Variants in C8orf74 observed in about 807,000 individuals in gnomAD.
C8orf74 encodes the protein chromosome 8 open reading frame 74.
A neutral mutation model predicts 22.2 loss-of-function variants in C8orf74; 29 were observed. The ratio of observed to expected loss-of-function variants is 1.31; its 90% CI spans 0.97 to 1.78. The LOEUF is 1.78. Among genes scored for constraint, C8orf74 ranks in the 40% most tolerant of loss-of-function variants. The probability of loss-of-function intolerance (pLI) is 0.00; values close to 1 mark genes in which losing one functional copy is unlikely to be tolerated. For synonymous variants in C8orf74, 255 were observed against 163.1 expected, an observed-to-expected ratio of 1.56 and a Z score of -4.30; for missense variants, 515 against 369.9, an observed-to-expected ratio of 1.39 and a Z score of -3.22.
chr8:10,689,345 T>C (rs904985545), intron 2 of C8orf74: 7 of 152,234 alleles, frequency 4.6e-5, no homozygotes, highest in Admixed American at 3.9e-4. Flanking sequence ...TCCAGAGAGA[T>C]GTGCTCCTTG....
chr8:10,697,880 G>A lies in C8orf74; in HGVS notation c.523G>A (p.Glu175Lys), dbSNP rs574000884. The change falls in exon 3 of 4, where the codon GAG becomes AAG. Residue 175 changes from glutamate (E) to lysine (K), a missense_variant. By Grantham distance (56) the Glu-to-Lys change is moderately conservative. Transcript: ENST00000304519. ...GCAGGTGGCCACACTGACGGAGGCC[G>A]AGGCACAGAAGCGCGCCGACGTGCT... ...EQQVATLTEA[E>K]AQKRADVLLL... 1.2e-6 allele frequency: 2 copies of A among 1,612,648 alleles called. No homozygotes were observed. The highest frequency in any genetic ancestry group is 4.5e-5 in the East Asian group (2 of 44,862).
intron 2 of C8orf74, among the ~76,000 whole-genome samples, chr8:10,682,489 C>A (rs578016372): frequency 6.6e-6 from 1 of 152,148 alleles, no homozygotes; most frequent in Non-Finnish European, 1.5e-5. Context: ...TGTGGACATC[C>A]GCCTTCTCCC....
At chr8:10,693,602 A>T (rs1308872871) in intron 2 of C8orf74, among the ~76,000 whole-genome samples, 1 of 152,196 alleles carries the variant, frequency 6.6e-6, no homozygotes, top group Non-Finnish European at 1.5e-5. Flanking sequence ...GAGAATACAC[A>T]GGTGGCCATC....
At chr8:10,690,594 T>C (rs1799357375) in intron 2 of C8orf74, among the ~76,000 whole-genome samples, 1 of 152,048 alleles carries the variant, frequency 6.6e-6, no homozygotes, top group Non-Finnish European at 1.5e-5. Flanking sequence ...GGAACCAAAC[T>C]GGTTTATCGG....
chr8:10,673,346 A>T (rs1314978713), intron 1 of C8orf74, among the ~76,000 whole-genome samples: 1 of 151,950 alleles, frequency 6.6e-6, no homozygotes, highest in Non-Finnish European at 1.5e-5. Context: ...GGCCAGCTGA[A>T]CTCTCAAGTA....
intron 2 of C8orf74, among the ~76,000 whole-genome samples, chr8:10,676,622 C>T (rs1354916164): frequency 6.6e-6 from 1 of 152,152 alleles, no homozygotes; most frequent in Non-Finnish European, 1.5e-5. Context: ...GCCTGCGTTC[C>T]CACCCAGTGG....
chr8:10,686,364 T>C (rs1180889686), intron 2 of C8orf74, among the ~76,000 whole-genome samples: 31 of 152,230 alleles, frequency 2.0e-4, no homozygotes, highest in Admixed American at 2.0e-3. Flanking sequence ...CATAGGTTGG[T>C]TGTGATAACC....
chr8:10,681,798 G>T (rs1799156875), intron 2 of C8orf74, among the ~76,000 whole-genome samples: 1 of 152,244 alleles, frequency 6.6e-6, no homozygotes. Context: ...GCAGGAGGCG[G>T]GACTTGTGAC....
Position 10,700,441 on chromosome 8 carries a change from C to T in C8orf74, c.855C>T (p.Ser285=). The T allele has an allele frequency of 2.5e-6, 4 of 1,600,810 alleles. No homozygotes were observed. Among genetic ancestry groups the T allele is most frequent in the Non-Finnish European group, 3.4e-6 (4 of 1,173,226 alleles). Residue 285 remains serine, a synonymous_variant, in exon 4 of 4, where the codon AGC becomes AGT. Coordinates refer to ENST00000304519, the MANE Select transcript of C8orf74 (RefSeq NM_001040032.2). ...AAGCCCTGAAGCCCCAAAGAGCGAGCAAAGGAAAGAAAGCGAAGGCAAGGA... is the reference window on the plus strand; with the variant it reads ...AAGCCCTGAAGCCCCAAAGAGCGAGTAAAGGAAAGAAAGCGAAGGCAAGGA... The part of the protein sequence containing the change: ...QEEALKPQRA[S]KGKKAKARK
intron 2 of C8orf74, among the ~76,000 whole-genome samples, chr8:10,675,997 A>T (rs1484411957): frequency 6.6e-6 from 1 of 151,898 alleles, no homozygotes; most frequent in Non-Finnish European, 1.5e-5. Flanking sequence ...GTTCAGGGTG[A>T]GGGTCTGGAT....
intron 3 of C8orf74, 57 bp downstream of exon 3, chr8:10,698,062 A>G: frequency 7.1e-7 from 1 of 1,418,350 alleles, no homozygotes; most frequent in African/African-American, 1.4e-5. Context: ...GACACCAGCC[A>G]GGGCTGGAGT....
At chr8:10,679,069 G>T (rs1391962065) in intron 2 of C8orf74, among the ~76,000 whole-genome samples, 1 of 152,166 alleles carries the variant, frequency 6.6e-6, no homozygotes, top group Non-Finnish European at 1.5e-5. Context: ...ATGTTTCTGG[G>T]GACCCGGTTT....
chr8:10,694,533 TG>T (rs1234406156), intron 2 of C8orf74, among the ~76,000 whole-genome samples: 1 of 152,166 alleles, frequency 6.6e-6, no homozygotes, highest in Non-Finnish European at 1.5e-5. Context: ...AAGGAGCAGG[TG>T]GGGAATAATC....
chr8:10,687,369 G>T, intron 2 of C8orf74: 1 of 295,202 alleles, frequency 3.4e-6, no homozygotes, highest in Non-Finnish European at 6.7e-6. Flanking sequence ...TTGCATTACG[G>T]CTAGGCGCAA....
intron 2 of C8orf74, chr8:10,689,420 T>C (rs1333815816): frequency 6.6e-6 from 1 of 152,244 alleles, no homozygotes; most frequent in African/African-American, 2.4e-5. Flanking sequence ...TGCCTTTTGG[T>C]GATCTGCTAA....
chr8:10,682,819 G>C lies in C8orf74; in HGVS notation c.241+7981G>C, dbSNP rs34837434. The stretch of plus-strand genomic sequence containing the variant: ...CCATAGAAACCTTCCCCTGCCTTCC[G>C]CAAGAGACTATCCGTCCCACAGAGG... On this transcript the variant is annotated intron_variant, in intron 2 of 3. Transcript: ENST00000304519. Among the ~76,000 whole-genome samples, 676 of 152,294 alleles carry C rather than the reference G, an allele frequency of 4.4e-3. 2 individuals carry two copies. Among genetic ancestry groups the C allele is most frequent in the African/African-American group, 0.015 (625 of 41,560 alleles).
At chr8:10,678,979 G>A (rs944719312) in intron 2 of C8orf74, among the ~76,000 whole-genome samples, 1 of 152,216 alleles carries the variant, frequency 6.6e-6, no homozygotes, top group Non-Finnish European at 1.5e-5. Context: ...GCCGAGGGTA[G>A]AATTCCAGCT....
intron 2 of C8orf74, among the ~76,000 whole-genome samples, chr8:10,693,717 A>G (rs1360324881): frequency 6.6e-6 from 1 of 152,152 alleles, no homozygotes; most frequent in African/African-American, 2.4e-5. Flanking sequence ...TGGTAGGCCC[A>G]CTGTCCCTCA....
intron 2 of C8orf74, among the ~76,000 whole-genome samples, chr8:10,693,249 G>A (rs140807729): frequency 2.5e-4 from 38 of 152,134 alleles, no homozygotes; most frequent in Non-Finnish European, 4.4e-4. Flanking sequence ...TCCCCCTCTT[G>A]CCTTGCCCTT....
Sources: allele counts gnomAD v4.1 joint callset (sites outside exome capture counted in the v4.1 genomes callset), GRCh38; gene constraint gnomAD v4.1.1; transcripts MANE v1.5; gene names NCBI Gene and HGNC (gene_info 2026-07-23, HGNC 2026-07-21).